ERCC6L2: variants seen among roughly 807,000 people sequenced by gnomAD.
The protein encoded by ERCC6L2 is DNA excision repair protein ERCC-6-like 2.
ERCC6L2 carries 77 observed loss-of-function variants against 132.0 expected under a neutral mutation model. The ratio of observed to expected loss-of-function variants is 0.58; its 90% CI spans 0.49 to 0.71. The LOEUF (loss-of-function observed/expected upper bound fraction) is 0.71. Among genes scored for constraint, ERCC6L2 ranks in the 30% least tolerant of loss-of-function variants. ERCC6L2 has a pLI of 0.00. For synonymous variants in ERCC6L2, 583 were observed against 632.4 expected (o/e 0.92, Z 1.17); for missense variants, 1,542 against 1,837.6 (o/e 0.84, Z 2.94).
intron 19 of ERCC6L2, among the ~76,000 whole-genome samples, chr9:96,037,761 A>C (rs536714638): frequency 6.6e-6 from 1 of 152,168 alleles, no homozygotes. Context: ...CCACAGAGAG[A>C]TCAACAACAT....
chr9:96,004,567 A>T lies in ERCC6L2; in HGVS notation c.3540A>T (p.Lys1180Asn), dbSNP rs371387726. 1 of 1,310,100 alleles carries T rather than the reference A, an allele frequency of 7.6e-7. No homozygotes were observed. The allele number at this position is 1,310,100 out of a possible 1,614,324, so 81.2% of individuals were successfully genotyped here. Residue 1180 changes from lysine to asparagine, a missense_variant, in exon 18 of 19, where the codon AAA (lysine) becomes AAT (asparagine). Transcript: ENST00000653738. Reference protein sequence around the residue: ...VDADTLPHTKKGQQPSEGSIS... With the variant: ...VDADTLPHTKNGQQPSEGSIS... ...CAGATACATTGCCACACACAAAGAAAGGCCAGCAACCGAGTGAAGGCAGCA... is the reference window on the plus strand; with the variant it reads ...CAGATACATTGCCACACACAAAGAATGGCCAGCAACCGAGTGAAGGCAGCA...
chr9:96,019,035 GA>G (rs1313659722), downstream of ERCC6L2, among the ~76,000 whole-genome samples: 1 of 152,166 alleles, frequency 6.6e-6, no homozygotes, highest in Non-Finnish European at 1.5e-5. Flanking sequence ...CTGGCAGGGG[GA>G]AAAATGCGTG....
intron 1 of ERCC6L2, among the ~76,000 whole-genome samples, chr9:95,878,771 CT>C (rs1386947748): frequency 1.4e-5 from 2 of 146,032 alleles, no homozygotes; most frequent in Non-Finnish European, 3.0e-5. Flanking sequence ...GTTTTTTGTT[CT>C]TGCGATAGTT....
intron 12 of ERCC6L2, among the ~76,000 whole-genome samples, chr9:95,951,045 A>ACACT (rs1321278843): frequency 6.6e-6 from 1 of 152,212 alleles, no homozygotes; most frequent in Non-Finnish European, 1.5e-5. Flanking sequence ...TACACAATGA[A>ACACT]CACTCTCCAG....
At chr9:95,963,470 G>T (rs780438862) in intron 13 of ERCC6L2, among the ~76,000 whole-genome samples, 1 of 151,976 alleles carries the variant, frequency 6.6e-6, no homozygotes, top group Admixed American at 6.6e-5. Context: ...ATAAAAACCA[G>T]TTTTATGCAT....
At chr9:95,929,338 G>A (rs984842249) in intron 11 of ERCC6L2, among the ~76,000 whole-genome samples, 1 of 152,110 alleles carries the variant, frequency 6.6e-6, no homozygotes, top group Non-Finnish European at 1.5e-5. Flanking sequence ...AAGGTAAATT[G>A]GTTCTAACCC....
intron 8 of ERCC6L2, among the ~76,000 whole-genome samples, 180 bp downstream of exon 8, chr9:95,922,598 T>G (rs1829924000): frequency 6.6e-6 from 1 of 152,202 alleles, no homozygotes; most frequent in Non-Finnish European, 1.5e-5. Context: ...AGTGAACAAA[T>G]TTAAGCTTAA....
At chr9:95,981,550 T>C (rs1384823782) in intron 17 of ERCC6L2, among the ~76,000 whole-genome samples, 1 of 152,222 alleles carries the variant, frequency 6.6e-6, no homozygotes, top group Non-Finnish European at 1.5e-5. Context: ...AATTGTATTT[T>C]GATATTTTAG....
chr9:95,988,738 AC>A (rs1833189754), intron 17 of ERCC6L2, among the ~76,000 whole-genome samples: 1 of 152,186 alleles, frequency 6.6e-6, no homozygotes, highest in Non-Finnish European at 1.5e-5. Flanking sequence ...ATTTTCCCTT[AC>A]ACCAGCAAGC....
intron 18 of ERCC6L2, among the ~76,000 whole-genome samples, chr9:96,006,122 G>A (rs959240055): frequency 2.0e-5 from 3 of 152,174 alleles, no homozygotes; most frequent in African/African-American, 7.2e-5. Context: ...GGGATTAAAA[G>A]TTTAAATTTG....
At chr9:95,939,247 T>C (rs79634025) in intron 11 of ERCC6L2, among the ~76,000 whole-genome samples, 26,992 of 151,826 alleles carry the variant, frequency 0.18, 2,482 homozygotes, top group South Asian at 0.28. Flanking sequence ...CTGATCTTCC[T>C]CTTTCCTTTC....
chr9:95,919,436 A>G (rs1829756564), intron 6 of ERCC6L2, among the ~76,000 whole-genome samples: 3 of 152,184 alleles, frequency 2.0e-5, no homozygotes, highest in Admixed American at 1.3e-4. Flanking sequence ...GATGTTGGAT[A>G]ATCCTTGTGG....
At chr9:95,953,351 C>T (rs924427438) in intron 12 of ERCC6L2, among the ~76,000 whole-genome samples, 10 of 152,014 alleles carry the variant, frequency 6.6e-5, no homozygotes, top group African/African-American at 1.7e-4. Flanking sequence ...CCGAGGCAGG[C>T]GGATCATGAG....
intron 6 of ERCC6L2, among the ~76,000 whole-genome samples, chr9:95,920,296 C>G (rs1829800746): frequency 6.6e-6 from 1 of 152,164 alleles, no homozygotes; most frequent in African/African-American, 2.4e-5. Flanking sequence ...TCTCCTCAGC[C>G]TACTCAATAT....
chr9:95,991,898 G>T (rs977277671), intron 17 of ERCC6L2, among the ~76,000 whole-genome samples: 1 of 152,076 alleles, frequency 6.6e-6, no homozygotes, highest in Non-Finnish European at 1.5e-5. Context: ...TTACTGAAAG[G>T]TTTCAGATTT....
chr9:95,954,615 C>T, intron 12 of ERCC6L2: 2 of 358,748 alleles, frequency 5.6e-6, no homozygotes, highest in Non-Finnish European at 5.7e-6. Context: ...AAATTTTTGT[C>T]TGTAAAGATT....
At chr9:95,948,791 G>GAAAAAAAAAA (rs55712485) in intron 12 of ERCC6L2, among the ~76,000 whole-genome samples, 33 of 103,774 alleles carry the variant, frequency 3.2e-4, no homozygotes, top group African/African-American at 4.6e-4. Context: ...CAAGACATTA[G>GAAAAAAAAAA]AAAAAAAAAA....
intron 13 of ERCC6L2, among the ~76,000 whole-genome samples, chr9:95,960,001 A>C (rs1406077880): frequency 6.6e-6 from 1 of 152,162 alleles, no homozygotes; most frequent in Non-Finnish European, 1.5e-5. Flanking sequence ...TCAGGGTATC[A>C]CTGATGGTGT....
chr9:95,910,894 C>A (rs1490044648), intron 4 of ERCC6L2, among the ~76,000 whole-genome samples: 2 of 152,088 alleles, frequency 1.3e-5, no homozygotes, highest in African/African-American at 4.8e-5. Context: ...CCTTGACCAT[C>A]TAACGCCAGA....
Sources: gnomAD v4.1 joint callset for allele counts (sites outside exome capture counted in the v4.1 genomes callset) on GRCh38, gnomAD v4.1.1 for gene constraint, MANE v1.5 for transcripts, NCBI Gene and HGNC (gene_info 2026-07-23, HGNC 2026-07-21) for gene names.